Variants in PAK3 observed in about 807,000 individuals in gnomAD.
PAK3 encodes serine/threonine-protein kinase PAK 3.
In PAK3, 4 loss-of-function variants were observed where a neutral mutation model predicts 41.0. The observed-to-expected ratio is 0.10, with a 90% confidence interval of 0.05 to 0.22. The LOEUF is 0.22. Ranked by LOEUF, PAK3 falls within the 10% of genes least tolerant of loss-of-function variation. The probability of loss-of-function intolerance (pLI) is 1.00; values close to 1 mark genes in which losing one functional copy is unlikely to be tolerated. For missense variants in PAK3, 205 were observed against 409.9 expected (o/e 0.50, Z 4.32); for synonymous variants, 146 against 139.6 (o/e 1.05, Z -0.32).
chrX:111,215,538 C>CA (rs375192604), intron 16 of PAK3, among the ~76,000 whole-genome samples: 5,227 of 103,922 alleles, frequency 0.05, 183 homozygotes, highest in African/African-American at 0.11. Flanking sequence ...GATTCCGTCT[C>CA]AAAAAAAAAA....
chrX:110,976,424 A>C (rs995215486), intron 1 of PAK3, among the ~76,000 whole-genome samples: 4 of 112,359 alleles, frequency 3.6e-5, no homozygotes, highest in South Asian at 3.7e-4. Context: ...ATCTCATGAG[A>C]GTTAGAATGG....
intron 1 of PAK3, among the ~76,000 whole-genome samples, chrX:110,998,997 G>C (rs930114292): frequency 9.0e-6 from 1 of 111,720 alleles, no homozygotes; most frequent in Admixed American, 9.5e-5. Flanking sequence ...TTTGCTAAGA[G>C]GGCATGTTAT....
chrX:111,105,174 A>T (rs1286777945), intron 4 of PAK3, among the ~76,000 whole-genome samples: 1 of 111,379 alleles, frequency 9.0e-6, no homozygotes, highest in African/African-American at 3.3e-5. Context: ...ATTCACATTC[A>T]CGTATTCACA....
Position 111,122,427 on chromosome X carries a change from C to CCAACATTTG in PAK3, c.-27-648_-27-640dup, listed in dbSNP as rs3842679. 2.7e-3 allele frequency among the ~76,000 whole-genome samples: 291 copies of CCAACATTTG among 109,669 alleles called. 2 individuals carry two copies. The East Asian group carries it at 0.058, about 22-fold the overall frequency. ...TGGTGTCTCCTCGGGAACTGGCCCT[C>CCAACATTTG]CAACATTTGCCCACCTTTATCTTCT... On this transcript the variant is annotated intron_variant, in intron 4 of 17. Transcript: ENST00000372007.
chrX:111,223,090 G>A lies in PAK3; in HGVS notation c.*2643G>A, dbSNP rs1213895401. The A allele has an allele frequency of 1.8e-5, 2 of 111,126 alleles. No homozygotes were observed. 9.2% of individuals were successfully genotyped at this position (111,126 alleles called of 1,213,427 possible). A position where few individuals can be genotyped will look rare whatever the true frequency, so the allele number is the denominator to read the frequency against. ...TGAAGGATTCACATTTGGTACAATCGAGTAACTTGAACGCCAGATTGTTAA... is the reference window on the plus strand; with the variant it reads ...TGAAGGATTCACATTTGGTACAATCAAGTAACTTGAACGCCAGATTGTTAA... On this transcript the variant is annotated 3_prime_UTR_variant, in exon 18 of 18. Coordinates refer to ENST00000372007, the MANE Select transcript of PAK3 (RefSeq NM_002578.5).
intron 1 of PAK3, among the ~76,000 whole-genome samples, chrX:111,057,609 A>G (rs1394294449): frequency 8.9e-6 from 1 of 111,774 alleles, no homozygotes; most frequent in Non-Finnish European, 1.9e-5. Context: ...GGTGTCATCA[A>G]TTGTCTTTTT....
intron 1 of PAK3, among the ~76,000 whole-genome samples, chrX:111,051,185 A>G (rs923662301): frequency 1.8e-5 from 2 of 111,706 alleles, no homozygotes; most frequent in Admixed American, 1.9e-4. Flanking sequence ...GTTGGGGGAA[A>G]AAAGTAAGCT....
chrX:111,100,458 C>T (rs1265088975), intron 3 of PAK3, among the ~76,000 whole-genome samples: 1 of 111,487 alleles, frequency 9.0e-6, no homozygotes, highest in Non-Finnish European at 1.9e-5. Flanking sequence ...AGCGGTTACT[C>T]CTTGTGGAGA....
At chrX:110,980,448 T>C (rs763042871) in intron 1 of PAK3, among the ~76,000 whole-genome samples, 59 of 111,761 alleles carry the variant, frequency 5.3e-4, no homozygotes, top group African/African-American at 1.9e-3. Context: ...ACGGAGTAGT[T>C]CATTTTAAGG....
Position 111,065,899 on chromosome X carries a change from T to C in PAK3, c.-27-57178T>C, listed in dbSNP as rs1346032039. Among the ~76,000 whole-genome samples the C allele has an allele frequency of 2.7e-5, 3 of 111,742 alleles. 1 individual carries two copies. The highest frequency in any genetic ancestry group is 9.7e-5 in the African/African-American group (3 of 30,782). On this transcript the variant is annotated intron_variant, in intron 1 of 14. Transcript: ENST00000425146. ...TCTTTTGTATTTCTGCGGGATCAGT[T>C]GTAATGTCATCTTTGTCATTTCTGA...
At chrX:111,047,769 C>T (rs2092514249) in intron 1 of PAK3, among the ~76,000 whole-genome samples, 1 of 111,501 alleles carries the variant, frequency 9.0e-6, no homozygotes, top group Non-Finnish European at 1.9e-5. Context: ...TCAAACTTCC[C>T]TTTTGGAAGT....
intron 1 of PAK3, among the ~76,000 whole-genome samples, chrX:111,038,546 A>T (rs760426456): frequency 5.0e-4 from 56 of 111,959 alleles, no homozygotes; most frequent in Admixed American, 1.2e-3. Context: ...TGCAGTTTAT[A>T]AGGAGGTAGA....
intron 1 of PAK3, among the ~76,000 whole-genome samples, chrX:111,017,832 C>T (rs1383681167): frequency 1.8e-5 from 2 of 111,444 alleles, no homozygotes; most frequent in African/African-American, 6.5e-5. Context: ...CAAATATCCT[C>T]AGCAAAATAC....
chrX:111,025,708 A>T (rs1336667575), intron 1 of PAK3, among the ~76,000 whole-genome samples: 1 of 111,049 alleles, frequency 9.0e-6, no homozygotes, highest in Non-Finnish European at 1.9e-5. Context: ...GAATTCTATC[A>T]GACATTCAAA....
At chrX:110,963,473 T>C (rs2091019988) in intron 1 of PAK3, among the ~76,000 whole-genome samples, 1 of 112,144 alleles carries the variant, frequency 8.9e-6, no homozygotes, top group African/African-American at 3.2e-5. Flanking sequence ...AATTTGCCAT[T>C]GATAAATCTG....
At chrX:111,026,374 T>C (rs1283484734) in intron 1 of PAK3, among the ~76,000 whole-genome samples, 1 of 111,526 alleles carries the variant, frequency 9.0e-6, no homozygotes, top group Non-Finnish European at 1.9e-5. Flanking sequence ...TGTCCCTATT[T>C]GCTGATGATA....
rs199975709 is a variant in PAK3, at chrX:111,149,153, A to G, written c.430+1263A>G. Among the ~76,000 whole-genome samples the G allele has an allele frequency of 4.5e-5, 5 of 111,642 alleles. No homozygotes were observed. In the East Asian group the frequency reaches 1.4e-3, roughly 32 times the overall value. On this transcript the variant is annotated intron_variant, in intron 7 of 17. Coordinates refer to ENST00000372007, the MANE Select transcript of PAK3 (RefSeq NM_002578.5). ...GGCAGTCAAATCTTAAAGCTCCAAA[A>G]TGATCTCCTTTGACTCCAGGTCTCA...
At chrX:111,122,041 T>A (rs2093580032) in intron 4 of PAK3, among the ~76,000 whole-genome samples, 1 of 108,875 alleles carries the variant, frequency 9.2e-6, no homozygotes, top group Admixed American at 9.8e-5. Context: ...GATCATGAGG[T>A]CAGGAGATCA....
At chrX:111,185,180 C>T (rs2094497904) in intron 11 of PAK3, among the ~76,000 whole-genome samples, 1 of 112,124 alleles carries the variant, frequency 8.9e-6, no homozygotes, top group South Asian at 3.7e-4. Context: ...TGTTTGTTGA[C>T]CGCATAAATG....
Sources: allele counts gnomAD v4.1 joint callset (sites outside exome capture counted in the v4.1 genomes callset), GRCh38; gene constraint gnomAD v4.1.1; transcripts MANE v1.5; gene names NCBI Gene and HGNC (gene_info 2026-07-23, HGNC 2026-07-21).